ITPR2: variants seen among roughly 807,000 people sequenced by gnomAD.
The protein encoded by ITPR2 is inositol 1,4,5-trisphosphate receptor type 2.
Under a neutral mutation model 317.1 loss-of-function variants are expected in ITPR2, and 207 were observed. The observed-to-expected ratio is 0.65, with a 90% CI of 0.58 to 0.73. The LOEUF is 0.73. Among genes scored for constraint, ITPR2 ranks in the 30% least tolerant of loss-of-function variants. The pLI is 0.00. For missense variants in ITPR2, 2,613 were observed against 3,284.0 expected (o/e 0.80, Z 4.99); for synonymous variants, 1,156 against 1,149.1 (o/e 1.01, Z -0.12).
intron 22 of ITPR2, chr12:26,630,827 G>A (rs930432494): frequency 1.3e-5 from 2 of 152,002 alleles, no homozygotes; most frequent in African/African-American, 4.8e-5. Flanking sequence ...TGGTAAGCTG[G>A]GGATCAGTAG....
chr12:26,397,716 A>G (rs959817080), intron 54 of ITPR2, among the ~76,000 whole-genome samples: 2 of 152,208 alleles, frequency 1.3e-5, no homozygotes, highest in Non-Finnish European at 2.9e-5. Flanking sequence ...ACTCAACAAA[A>G]GTTGAAGCAA....
Position 26,474,445 on chromosome 12 carries a change from T to C in ITPR2, c.6342+851A>G, listed in dbSNP as rs565394175. Among the ~76,000 whole-genome samples the C allele has an allele frequency of 1.1e-4, 16 of 152,332 alleles. No homozygotes were observed. The East Asian group carries it at 2.9e-3, about 27-fold the overall frequency. On this transcript the variant is annotated intron_variant, in intron 45 of 56. Transcript: ENST00000381340. ...CTTCATGTTAATTGTATTAAATTTA[T>C]GAATAGTACTCATCAGGCACCTGTT... is the stretch of plus-strand genomic sequence containing the variant.
intron 2 of ITPR2, among the ~76,000 whole-genome samples, chr12:26,733,692 C>G (rs911272489): frequency 6.6e-6 from 1 of 152,102 alleles, no homozygotes; most frequent in African/African-American, 2.4e-5. Flanking sequence ...AATTCAAATG[C>G]ATTAATGCTA....
chr12:26,770,324 T>A (rs1475313702), intron 2 of ITPR2, among the ~76,000 whole-genome samples: 1 of 152,112 alleles, frequency 6.6e-6, no homozygotes, highest in Non-Finnish European at 1.5e-5. Flanking sequence ...TATTTCTGGG[T>A]CGACTGAGCT....
intron 45 of ITPR2, among the ~76,000 whole-genome samples, chr12:26,458,266 C>T (rs1308583904): frequency 6.6e-6 from 1 of 152,048 alleles, no homozygotes; most frequent in Non-Finnish European, 1.5e-5. Flanking sequence ...CAGGTGAGGG[C>T]GGTACGGGGG....
At chr12:26,490,887 T>G (rs1043773227) in intron 39 of ITPR2, among the ~76,000 whole-genome samples, 7 of 152,170 alleles carry the variant, frequency 4.6e-5, no homozygotes, top group African/African-American at 1.7e-4. Context: ...CAGGGGCACA[T>G]AGTAAGCAGT....
intron 37 of ITPR2, 105 bp from the exon 38 acceptor site, chr12:26,495,365 A>T (rs1186375254): frequency 3.3e-6 from 2 of 599,300 alleles, no homozygotes; most frequent in Non-Finnish European, 5.6e-6. Context: ...ATGTTGAGGC[A>T]TGGAAAAATT....
At chr12:26,650,960 T>C (rs1392107742) in intron 21 of ITPR2, among the ~76,000 whole-genome samples, 1 of 152,232 alleles carries the variant, frequency 6.6e-6, no homozygotes, top group Admixed American at 6.5e-5. Context: ...AAAGATGCAA[T>C]AATAGTAAAG....
chr12:26,749,770 G>A (rs1311109070), intron 2 of ITPR2, among the ~76,000 whole-genome samples: 1 of 152,112 alleles, frequency 6.6e-6, no homozygotes, highest in African/African-American at 2.4e-5. Context: ...GTAATTTTAA[G>A]TACTATGCCT....
chr12:26,582,958 TGTAGGGG>T (rs1945439563), intron 32 of ITPR2, among the ~76,000 whole-genome samples: 1 of 152,028 alleles, frequency 6.6e-6, no homozygotes, highest in Non-Finnish European at 1.5e-5. Flanking sequence ...TCCCTCTCCT[TGTAGGGG>T]CTTCTGTGTT....
intron 37 of ITPR2, among the ~76,000 whole-genome samples, chr12:26,508,950 C>T (rs1386901350): frequency 6.6e-6 from 1 of 152,186 alleles, no homozygotes; most frequent in Non-Finnish European, 1.5e-5. Flanking sequence ...ACAGAATGTT[C>T]ATTGTGGCAT....
intron 21 of ITPR2, among the ~76,000 whole-genome samples, chr12:26,645,288 T>C (rs146942800): frequency 1.1e-3 from 166 of 152,344 alleles, no homozygotes; most frequent in Non-Finnish European, 2.2e-3. Flanking sequence ...GAGAAGTACA[T>C]GCTCATCTGA....
chr12:26,704,964 T>C (rs1029144505), intron 9 of ITPR2, among the ~76,000 whole-genome samples: 1 of 152,168 alleles, frequency 6.6e-6, no homozygotes, highest in Non-Finnish European at 1.5e-5. Context: ...ATGAAAGTAA[T>C]ATTTTAAATT....
Position 26,544,605 on chromosome 12 carries a change from G to GACAC in ITPR2, c.5073+5638_5073+5641dup, listed in dbSNP as rs10648602. Among the ~76,000 whole-genome samples the GACAC allele has an allele frequency of 7.2e-4, 105 of 146,488 alleles. No individual in the cohort carries two copies. The South Asian group carries it at 8.4e-3, about 12-fold the overall frequency. On this transcript the variant is annotated intron_variant, in intron 37 of 56. Transcript: ENST00000381340. ...ACAGACAAACACACAGAGACACACA[G>GACAC]ACACACACACACACACACACATACA...
chr12:26,742,331 T>C (rs934738318), intron 2 of ITPR2, among the ~76,000 whole-genome samples: 1 of 152,144 alleles, frequency 6.6e-6, no homozygotes, highest in Non-Finnish European at 1.5e-5. Flanking sequence ...TACATAGATG[T>C]CATGTTGAAC....
intron 37 of ITPR2, among the ~76,000 whole-genome samples, chr12:26,513,532 T>A (rs1943410409): frequency 6.6e-6 from 1 of 150,438 alleles, no homozygotes; most frequent in Non-Finnish European, 1.5e-5. Flanking sequence ...CCTCGGATAC[T>A]TTGTTCAGAC....
intron 55 of ITPR2, among the ~76,000 whole-genome samples, chr12:26,373,955 G>C (rs1939263054): frequency 6.6e-6 from 1 of 152,156 alleles, no homozygotes. Context: ...CCAGGGTAAG[G>C]ATAGAAGTAA....
intron 32 of ITPR2, among the ~76,000 whole-genome samples, chr12:26,591,945 C>T (rs1945720381): frequency 6.6e-6 from 1 of 152,178 alleles, no homozygotes; most frequent in Non-Finnish European, 1.5e-5. Context: ...GATATCTGCA[C>T]TCCCATGTTT....
chr12:26,720,347 AG>A lies in ITPR2; in HGVS notation c.525+2049del, dbSNP rs569074418. 3.5e-4 allele frequency among the ~76,000 whole-genome samples: 53 copies of A among 152,360 alleles called. 1 individual carries two copies. In the East Asian group the frequency reaches 0.01, roughly 29 times the overall value. ...TTAAATAGTAAAATATCATTTTAAA[AG>A]TCCTCTAAACATTGCAATTTCCTTT... On this transcript the variant is annotated intron_variant, in intron 5 of 56. Coordinates refer to ENST00000381340, the MANE Select transcript of ITPR2 (RefSeq NM_002223.4).
Sources: allele counts gnomAD v4.1 joint callset (sites outside exome capture counted in the v4.1 genomes callset), GRCh38; gene constraint gnomAD v4.1.1; transcripts MANE v1.5; gene names NCBI Gene and HGNC (gene_info 2026-07-23, HGNC 2026-07-21).